Variants in LRRC58 observed in about 807,000 individuals in gnomAD.
The protein encoded by LRRC58 is leucine-rich repeat-containing protein 58.
In LRRC58, 18 loss-of-function variants were observed where a neutral mutation model predicts 30.6. The observed-to-expected ratio is 0.59, with a 90% CI of 0.41 to 0.87. The LOEUF is 0.87. Among genes scored for constraint, LRRC58 ranks in the 40% least tolerant of loss-of-function variants. The pLI is 0.00. For synonymous variants in LRRC58, 221 were observed against 206.0 expected (o/e 1.07, Z -0.62); for missense variants, 420 against 468.4 (o/e 0.90, Z 0.95).
intron 1 of LRRC58, among the ~76,000 whole-genome samples, chr3:120,337,383 T>G (rs1935848910): frequency 6.6e-6 from 1 of 152,216 alleles, no homozygotes; most frequent in African/African-American, 2.4e-5. Context: ...TTAGTGAAGT[T>G]TAGCATCTTT....
chr3:120,332,102 C>T (rs925992346), intron 3 of LRRC58, among the ~76,000 whole-genome samples: 24 of 152,192 alleles, frequency 1.6e-4, no homozygotes, highest in Non-Finnish European at 1.0e-4. Context: ...GAGAGGAAAG[C>T]AGATGTTGCT....
chr3:120,348,847 GGA>G lies in LRRC58; in HGVS notation c.395_396del (p.Phe132SerfsTer29), dbSNP rs1314235044. On this transcript the variant is annotated frameshift_variant, in exon 1 of 4. Coordinates refer to ENST00000295628, the MANE Select transcript of LRRC58 (RefSeq NM_001099678.2). LOFTEE classifies it high-confidence loss of function. ...LQVLNLSGNC[F>X]QEVPASLLEL... is the part of the protein sequence containing the mutation. ...TCTAAGAGCGAGGCAGGCACCTCCT[GGA>G]AACAGTTGCCGCTGAGGTTGAGCAC... The G allele has an allele frequency of 6.2e-7, 1 of 1,603,670 alleles. No individual in the cohort carries two copies. The highest frequency in any genetic ancestry group is 1.3e-5 in the African/African-American group (1 of 74,772).
intron 3 of LRRC58, among the ~76,000 whole-genome samples, chr3:120,333,647 C>T (rs545027000): frequency 5.3e-5 from 8 of 152,256 alleles, no homozygotes; most frequent in African/African-American, 1.2e-4. Context: ...TTCCTCAGTA[C>T]CTACTGGATT....
At chr3:120,342,086 C>A (rs1435084960) in intron 1 of LRRC58, among the ~76,000 whole-genome samples, 1 of 152,048 alleles carries the variant, frequency 6.6e-6, no homozygotes, top group East Asian at 1.9e-4. Flanking sequence ...TGGCCTCTCT[C>A]CAGCCCCCGC....
intron 1 of LRRC58, among the ~76,000 whole-genome samples, chr3:120,338,264 G>C (rs1935860529): frequency 6.6e-6 from 1 of 152,132 alleles, no homozygotes; most frequent in Admixed American, 6.5e-5. Context: ...CAACTTACCA[G>C]TATAAAAATT....
intron 1 of LRRC58, among the ~76,000 whole-genome samples, chr3:120,343,235 T>C (rs1271245407): frequency 6.6e-6 from 1 of 152,260 alleles, no homozygotes. Context: ...ATTTACAGTT[T>C]CAGGCTTATT....
At chr3:120,331,926 G>T (rs1421596941) in intron 3 of LRRC58, among the ~76,000 whole-genome samples, 4 of 152,236 alleles carry the variant, frequency 2.6e-5, no homozygotes. Context: ...CATTTCCAAA[G>T]ACTGTAAATC....
intron 1 of LRRC58, among the ~76,000 whole-genome samples, chr3:120,342,689 C>T (rs1012383159): frequency 6.6e-6 from 1 of 152,238 alleles, no homozygotes; most frequent in Non-Finnish European, 1.5e-5. Flanking sequence ...CTTCACCCTT[C>T]ACTTGTCTGT....
chr3:120,332,841 C>A (rs1049945823), intron 3 of LRRC58, among the ~76,000 whole-genome samples: 1 of 151,920 alleles, frequency 6.6e-6, no homozygotes, highest in Non-Finnish European at 1.5e-5. Context: ...CCTTGAACTC[C>A]TGGACCCAAG....
Position 120,331,465 on chromosome 3 carries a change from T to C in LRRC58, c.908-57A>G, listed in dbSNP as rs188827595. On this transcript the variant is annotated intron_variant, in intron 3 of 3. Coordinates refer to ENST00000295628, the MANE Select transcript of LRRC58 (RefSeq NM_001099678.2). Reference sequence around the variant, plus strand: ...TACAAAGCAAGGAATCAATTTCTTTTTCAGCCCTTTCTCCAGTGTTCTGGA... The same window carrying C: ...TACAAAGCAAGGAATCAATTTCTTTCTCAGCCCTTTCTCCAGTGTTCTGGA... 6.0e-6 allele frequency: 8 copies of C among 1,326,494 alleles called. No homozygotes were observed. In the Admixed American group the frequency reaches 1.3e-4, roughly 21 times the overall value. 82.2% of individuals were successfully genotyped at this position (1,326,494 alleles called of 1,614,324 possible). A position where few individuals can be genotyped will look rare whatever the true frequency, so the allele number is the denominator to read the frequency against.
At chr3:120,335,452 T>A (rs1473381470) in intron 2 of LRRC58, among the ~76,000 whole-genome samples, 1 of 152,110 alleles carries the variant, frequency 6.6e-6, no homozygotes, top group Non-Finnish European at 1.5e-5. Context: ...TTCAGATATC[T>A]AAAAAAAGGA....
chr3:120,338,288 T>G (rs1454386221), intron 1 of LRRC58, among the ~76,000 whole-genome samples: 3 of 152,244 alleles, frequency 2.0e-5, no homozygotes, highest in Non-Finnish European at 4.4e-5. Flanking sequence ...ATCAGTTACT[T>G]AATCTTGCAG....
chr3:120,348,574 A>G (rs1047729875), intron 1 of LRRC58, among the ~76,000 whole-genome samples, 170 bp downstream of exon 1: 4 of 152,190 alleles, frequency 2.6e-5, no homozygotes, highest in African/African-American at 9.7e-5. Flanking sequence ...CGAACATACT[A>G]GGTATTTACA....
At chr3:120,345,168 C>G (rs553194897) in intron 1 of LRRC58, among the ~76,000 whole-genome samples, 2 of 151,742 alleles carry the variant, frequency 1.3e-5, no homozygotes, top group African/African-American at 4.8e-5. Flanking sequence ...GTATAGAAAA[C>G]ATAGATATCT....
In LRRC58 at chr3:120,348,922, C is replaced by A; in HGVS notation, c.322G>T (p.Ala108Ser). ...GACTGGGCCAGGCCCTTGGGCAGCG[C>A]ACTGGGCCCGCCGAGCCGGTTGTTC... Reference protein sequence around the residue: ...AKNNRLGGPSALPKGLAQSPL... With the variant: ...AKNNRLGGPSSLPKGLAQSPL... Residue 108 changes from alanine (A) to serine (S), a missense_variant, in exon 1 of 4, where the codon GCG (alanine) becomes TCG (serine). This residue lies in a region of LRRC58 where 266 missense variants were observed against 251.7 expected (regional missense o/e 1.06). Coordinates refer to ENST00000295628, the MANE Select transcript of LRRC58 (RefSeq NM_001099678.2). The A allele has an allele frequency of 6.5e-7, 1 of 1,549,938 alleles. No individual in the cohort carries two copies. Among genetic ancestry groups the A allele is most frequent in the Non-Finnish European group, 8.7e-7 (1 of 1,149,064 alleles).
Position 120,349,204 on chromosome 3 carries a change from C to T in LRRC58, c.40G>A (p.Ala14Thr). The change falls in exon 1 of 4, where the codon GCC (alanine) becomes ACC (threonine). Residue 14 changes from alanine (A) to threonine (T), a missense_variant. Around this residue, in one of 2 missense-constraint regions of LRRC58, gnomAD observed 266 missense variants for 251.7 expected, o/e 1.06. Coordinates refer to ENST00000295628, the MANE Select transcript of LRRC58 (RefSeq NM_001099678.2). ...CTGAGGCGGGACCAGTTCAGTTCGG[C>T]CTCCCCGGCCGTGACCACCGCTGCT... ...AGAAVVTAGE[A>T]ELNWSRLSVS... 3.5e-6 allele frequency: 5 copies of T among 1,448,338 alleles called. No individual in the cohort carries two copies. The highest frequency in any genetic ancestry group is 4.5e-6 in the Non-Finnish European group (5 of 1,106,160). The allele number at this position is 1,448,338 out of a possible 1,614,324, so 89.7% of individuals were successfully genotyped here.
At chr3:120,331,700 G>A (rs1043049495) in intron 3 of LRRC58, among the ~76,000 whole-genome samples, 1 of 152,160 alleles carries the variant, frequency 6.6e-6, no homozygotes. Flanking sequence ...GGCTGATGGA[G>A]ATTTTAGGAC....
chr3:120,340,406 T>G (rs1232551989), intron 1 of LRRC58, among the ~76,000 whole-genome samples: 6 of 152,206 alleles, frequency 3.9e-5, no homozygotes, highest in Admixed American at 1.3e-4. Context: ...AAACTCCCTA[T>G]TCTTGCTTCA....
rs1935719199 is a variant in LRRC58 at position 120,329,009 on chromosome 3, C to T, written c.*2191G>A. On this transcript the variant is annotated 3_prime_UTR_variant, in exon 4 of 4. Transcript: ENST00000295628. ...ATCTGTAAAAGATGAAGCAGTAGACCTTTCTAGGAAGCTGGAAAGGGTATG... is the reference window on the plus strand; with the variant it reads ...ATCTGTAAAAGATGAAGCAGTAGACTTTTCTAGGAAGCTGGAAAGGGTATG... 6.6e-6 allele frequency: 1 copy of T among 152,084 alleles called. No individual in the cohort carries two copies. The highest frequency in any genetic ancestry group is 1.5e-5 in the Non-Finnish European group (1 of 68,006). 9.4% of individuals were successfully genotyped at this position (152,084 alleles called of 1,614,324 possible).
Sources: allele counts gnomAD v4.1 joint callset (sites outside exome capture counted in the v4.1 genomes callset), GRCh38; gene constraint gnomAD v4.1.1; regional missense constraint gnomAD v4.1.1; transcripts MANE v1.5; gene names NCBI Gene and HGNC (gene_info 2026-07-23, HGNC 2026-07-21).